The following ARFGAP3 variants were observed in gnomAD, a reference collection of about 807,000 sequenced individuals.
ARFGAP3 encodes ARF GTPase activating protein 3.
In ARFGAP3, 72 loss-of-function variants were observed where a neutral mutation model predicts 75.0. That is an observed-to-expected ratio of 0.96 (90% CI 0.79 to 1.17). The LOEUF (loss-of-function observed/expected upper bound fraction) is 1.17. Ranked by LOEUF, ARFGAP3 falls within the 50% of genes most tolerant of loss-of-function variation. ARFGAP3 has a pLI of 0.00. For synonymous variants in ARFGAP3, 221 were observed against 217.9 expected, an observed-to-expected ratio of 1.01 and a Z score of -0.13; for missense variants, 620 against 626.6, an observed-to-expected ratio of 0.99 and a Z score of 0.11.
At chr22:42,814,856 C>T (rs1362667996) in intron 11 of ARFGAP3, among the ~76,000 whole-genome samples, 2 of 152,218 alleles carry the variant, frequency 1.3e-5, no homozygotes, top group African/African-American at 2.4e-5. Context: ...CCACCTCAGC[C>T]TCCCAAGCAG....
At chr22:42,841,063 G>C (rs939396579) in intron 2 of ARFGAP3, 47 bp from the exon 3 acceptor site, 3 of 1,589,238 alleles carry the variant, frequency 1.9e-6, no homozygotes, top group Admixed American at 3.5e-5. Context: ...TTATCCCCAG[G>C]AGCAAAATCA....
intron 2 of ARFGAP3, among the ~76,000 whole-genome samples, chr22:42,846,246 G>T (rs1433609347): frequency 3.1e-4 from 47 of 152,314 alleles, no homozygotes. Context: ...GAAATTGTCT[G>T]GGGGAGGCAG....
At chr22:42,798,944 T>C (rs1602085141) in intron 15 of ARFGAP3, 95 bp downstream of exon 15, 2 of 1,023,828 alleles carry the variant, frequency 2.0e-6, no homozygotes, top group East Asian at 2.4e-5. Flanking sequence ...TAATATATAA[T>C]TGAATTTTCC....
rs746912031 is a variant in ARFGAP3 at position 42,810,914 on chromosome 22, G to T, written c.1095C>A (p.Ser365Arg). 6.2e-7 allele frequency: 1 copy of T among 1,614,174 alleles called. No individual in the cohort carries two copies. Among genetic ancestry groups the T allele is most frequent in the African/African-American group, 1.3e-5 (1 of 75,036 alleles). Residue 365 changes from serine to arginine, a missense_variant, in exon 12 of 16, where the codon AGC becomes AGA. Transcript: ENST00000263245. The stretch of plus-strand genomic sequence containing the variant: ...TGTCATCCCAGCTAGAGAAAGAACT[G>T]CTCCTTAACTCCACTGGCTCGTCAA... ...SYFDEPVELR[S>R]SSFSSWDDSS...
chr22:42,797,058 G>T lies in ARFGAP3; in HGVS notation c.*530C>A, dbSNP rs1924632774. ...TAAAATAATTTACAAAGAGACAGAT[G>T]ACTTCAAATATTATTTGGCAGTCAC... is the stretch of plus-strand genomic sequence containing the variant. On this transcript the variant is annotated 3_prime_UTR_variant, in exon 16 of 16. Transcript: ENST00000263245. 6.6e-6 allele frequency: 1 copy of T among 152,380 alleles called. No homozygotes were observed. Among genetic ancestry groups the T allele is most frequent in the Admixed American group, 6.5e-5 (1 of 15,292 alleles). The allele number at this position is 152,380 out of a possible 1,614,324, so 9.4% of individuals were successfully genotyped here.
intron 11 of ARFGAP3, among the ~76,000 whole-genome samples, chr22:42,812,779 A>G (rs1034822935): frequency 6.6e-6 from 1 of 152,278 alleles, no homozygotes; most frequent in Non-Finnish European, 1.5e-5. Context: ...TTCTCTGGCA[A>G]GAAGGTCATT....
At chr22:42,839,109 CAAA>C (rs397868102) in intron 3 of ARFGAP3, among the ~76,000 whole-genome samples, 7 of 92,048 alleles carry the variant, frequency 7.6e-5, no homozygotes, top group African/African-American at 1.5e-4. Context: ...GATTCCGTCT[CAAA>C]AAAAAAAAAA....
At chr22:42,821,904 AT>A (rs944137622) in intron 9 of ARFGAP3, among the ~76,000 whole-genome samples, 3 of 152,066 alleles carry the variant, frequency 2.0e-5, no homozygotes, top group Non-Finnish European at 4.4e-5. Flanking sequence ...CCTGTTACTG[AT>A]TTTTTTATTA....
rs1926486557 is a variant in ARFGAP3, at chr22:42,835,584, G to A, written c.262-91C>T. ...TGCCTGTAATCCCAGCACTCTGGGAGGCCGAGGCAGGCAGATCACGAGGTC... is the reference window on the plus strand; with the variant it reads ...TGCCTGTAATCCCAGCACTCTGGGAAGCCGAGGCAGGCAGATCACGAGGTC... On this transcript the variant is annotated intron_variant, in intron 3 of 15. Coordinates refer to ENST00000263245, the MANE Select transcript of ARFGAP3 (RefSeq NM_014570.5). 4.3e-6 allele frequency: 6 copies of A among 1,408,302 alleles called. No homozygotes were observed. In the South Asian group the frequency reaches 7.4e-5, roughly 17 times the overall value. The allele number at this position is 1,408,302 out of a possible 1,614,324, so 87.2% of individuals were successfully genotyped here.
At chr22:42,832,302 C>A (rs950266602) in intron 5 of ARFGAP3, among the ~76,000 whole-genome samples, 3 of 151,760 alleles carry the variant, frequency 2.0e-5, no homozygotes, top group African/African-American at 7.3e-5. Context: ...CTGCGGCAGG[C>A]AGATCACCTG....
intron 12 of ARFGAP3, among the ~76,000 whole-genome samples, chr22:42,810,545 ACAAAAGGTTT>A (rs1368764150): frequency 1.3e-5 from 2 of 152,188 alleles, no homozygotes; most frequent in African/African-American, 4.8e-5. Flanking sequence ...TACTAGTCTT[ACAAAAGGTTT>A]CAAAAGGTTT....
intron 9 of ARFGAP3, among the ~76,000 whole-genome samples, chr22:42,820,087 T>C (rs1261597291): frequency 6.6e-6 from 1 of 152,190 alleles, no homozygotes; most frequent in Non-Finnish European, 1.5e-5. Flanking sequence ...TCCATCCAGC[T>C]TACCTGCAGC....
intron 1 of ARFGAP3, chr22:42,853,856 A>G: frequency 5.5e-6 from 1 of 182,200 alleles, no homozygotes; most frequent in Admixed American, 5.3e-5. Context: ...AAATCATCAA[A>G]GGCAAGTTGT....
At chr22:42,851,457 G>C (rs191890985) in intron 1 of ARFGAP3, among the ~76,000 whole-genome samples, 10 of 151,148 alleles carry the variant, frequency 6.6e-5, no homozygotes, top group African/African-American at 1.2e-4. Flanking sequence ...AGCCCCATGA[G>C]GGGGGGGCCA....
chr22:42,802,288 A>ACT (rs1224391733), intron 14 of ARFGAP3, among the ~76,000 whole-genome samples: 1 of 142,686 alleles, frequency 7.0e-6, no homozygotes, highest in African/African-American at 2.6e-5. Flanking sequence ...CAAAATAACA[A>ACT]TTTTTTTTTT....
chr22:42,838,215 G>C (rs1377048497), intron 3 of ARFGAP3, among the ~76,000 whole-genome samples: 1 of 150,612 alleles, frequency 6.6e-6, no homozygotes, highest in Non-Finnish European at 1.5e-5. Context: ...TAGCATTTTG[G>C]AAACTGCTAT....
At chr22:42,811,265 C>A (rs755420351) in intron 11 of ARFGAP3, among the ~76,000 whole-genome samples, 6 of 152,212 alleles carry the variant, frequency 3.9e-5, no homozygotes, top group Non-Finnish European at 7.3e-5. Context: ...CTCTAGAGAA[C>A]CACCTGAACC....
At chr22:42,831,382 C>T (rs567214710) in intron 6 of ARFGAP3, among the ~76,000 whole-genome samples, 167 bp downstream of exon 6, 3 of 150,288 alleles carry the variant, frequency 2.0e-5, no homozygotes, top group East Asian at 3.9e-4. Flanking sequence ...ATGTTGCCCA[C>T]GCTGGTCTCT....
At chr22:42,798,828 C>T (rs1445672562) in intron 15 of ARFGAP3, among the ~76,000 whole-genome samples, 2 of 152,198 alleles carry the variant, frequency 1.3e-5, no homozygotes, top group Non-Finnish European at 2.9e-5. Flanking sequence ...GACAATTCCT[C>T]TAACAATTCC....
Sources: allele counts gnomAD v4.1 joint callset (sites outside exome capture counted in the v4.1 genomes callset), GRCh38; gene constraint gnomAD v4.1.1; transcripts MANE v1.5; gene names NCBI Gene and HGNC (gene_info 2026-07-23, HGNC 2026-07-21).